Variants in INTS4 observed in about 807,000 individuals in gnomAD.
INTS4 encodes the protein MSTP093.
INTS4 carries 70 observed loss-of-function variants against 119.5 expected under a neutral mutation model. That is an observed-to-expected ratio of 0.59 (90% CI 0.48 to 0.71). The LOEUF is 0.71. Among genes scored for constraint, INTS4 ranks in the 30% least tolerant of loss-of-function variants. The pLI is 0.00. For missense variants in INTS4, 867 were observed against 1,173.2 expected, an observed-to-expected ratio of 0.74 and a Z score of 3.81; for synonymous variants, 316 against 419.6, an observed-to-expected ratio of 0.75 and a Z score of 3.02.
chr11:77,968,648 T>G (rs995741806), intron 4 of INTS4, among the ~76,000 whole-genome samples: 3 of 152,228 alleles, frequency 2.0e-5, no homozygotes, highest in African/African-American at 7.2e-5. Flanking sequence ...CATGGTAAAT[T>G]TTATGTTAAT....
intron 18 of INTS4, among the ~76,000 whole-genome samples, chr11:77,897,521 G>C (rs1354336127): frequency 1.3e-5 from 2 of 149,424 alleles, no homozygotes; most frequent in East Asian, 3.9e-4. Flanking sequence ...TTTTTTTTGA[G>C]ACAGAGTCTC....
intron 5 of INTS4, among the ~76,000 whole-genome samples, chr11:77,960,721 G>T (rs1190284810): frequency 6.6e-6 from 1 of 152,030 alleles, no homozygotes; most frequent in African/African-American, 2.4e-5. Flanking sequence ...ATTATAACAG[G>T]TTCCTATTGT....
chr11:77,924,506 G>A (rs557954508), intron 12 of INTS4: 16 of 449,060 alleles, frequency 3.6e-5, no homozygotes, highest in Middle Eastern at 6.2e-4. Context: ...TGCATAGTCA[G>A]CACACAGCAG....
rs1368533796 is a variant in INTS4 at position 77,920,721 on chromosome 11, A to G, written c.1764+619T>C. The stretch of plus-strand genomic sequence containing the variant: ...CAAAAAATTAGCCGGGCGTGGTGGC[A>G]GGCGCCTGTAGTCCCAGCTACTCGG... On this transcript the variant is annotated intron_variant, in intron 14 of 22. Transcript: ENST00000534064. Among the ~76,000 whole-genome samples the G allele has an allele frequency of 1.9e-4, 29 of 151,808 alleles. 1 individual carries two copies. The East Asian group carries it at 3.1e-3, about 16-fold the overall frequency.
At chr11:77,948,176 GA>G (rs144433849) in intron 8 of INTS4, among the ~76,000 whole-genome samples, 28,369 of 152,066 alleles carry the variant, frequency 0.19, 2,736 homozygotes, top group Middle Eastern at 0.23. Context: ...TAACTATGTA[GA>G]AAAAAGTTAC....
rs749514914 is a variant in INTS4, at chr11:77,994,591, T to C, written c.53A>G (p.Gln18Arg). ...TGGATCTTTCCCGCCAGAGCTTACC[T>C]GAACCACTTTCGTGAATTCCTCATA... is the stretch of plus-strand genomic sequence containing the variant. ...RVYEEFTKVV[Q>R]PQEEIATKKL... The change falls in exon 1 of 23, where the codon CAG becomes CGG. Residue 18 changes from glutamine (Q) to arginine (R), a missense_variant and splice_region_variant. Gln to Arg is a conservative substitution (Grantham distance 43, BLOSUM62 1). This residue lies in a region of INTS4 where 224 missense variants were observed against 231.8 expected (regional missense o/e 0.97). Coordinates refer to ENST00000534064, the MANE Select transcript of INTS4 (RefSeq NM_033547.4). 4 of 1,611,688 alleles carry C rather than the reference T, an allele frequency of 2.5e-6. No individual in the cohort carries two copies. In the African/African-American group the frequency reaches 5.3e-5, roughly 22 times the overall value.
In INTS4 at chr11:77,993,460, G is replaced by T. The variant is rs80038016; in HGVS notation, c.54+1130C>A. On this transcript the variant is annotated intron_variant, in intron 1 of 22. Coordinates refer to ENST00000534064, the MANE Select transcript of INTS4 (RefSeq NM_033547.4). ...AGATATGCAAACACAAGAACACATGGCATATCTGGTCATGTGAGGATGGGT... is the reference window on the plus strand; with the variant it reads ...AGATATGCAAACACAAGAACACATGTCATATCTGGTCATGTGAGGATGGGT... Among the ~76,000 whole-genome samples the T allele has an allele frequency of 2.2e-3, 338 of 152,294 alleles. 8 individuals are homozygous for T. In the East Asian group the frequency reaches 0.053, roughly 24 times the overall value.
chr11:77,942,837 A>T (rs1953961206), intron 8 of INTS4, among the ~76,000 whole-genome samples: 1 of 152,164 alleles, frequency 6.6e-6, no homozygotes, highest in South Asian at 2.1e-4. Flanking sequence ...CTCTAATCAA[A>T]TTTTTCATAG....
intron 9 of INTS4, among the ~76,000 whole-genome samples, chr11:77,940,156 CA>C (rs1953895379): frequency 6.6e-6 from 1 of 152,088 alleles, no homozygotes; most frequent in Non-Finnish European, 1.5e-5. Flanking sequence ...GGGCCGGGCA[CA>C]ATGGCTCACA....
rs1276828513 is a variant in INTS4, at chr11:77,961,105, T to C, written c.505A>G (p.Lys169Glu). The C allele has an allele frequency of 6.2e-6, 10 of 1,604,690 alleles. No homozygotes were observed. The South Asian group carries it at 1.1e-4, about 18-fold the overall frequency. ...LTDTSHGVRN[K>E]CLQLLGNLGS... ...AGATTGCCAAGTAACTGCAGGCACT[T>C]ATTTCTTACACCATGAGACGTATCT... Residue 169 changes from lysine (K) to glutamate (E), a missense_variant, in exon 5 of 23, where the codon AAG (lysine) becomes GAG (glutamate). Physicochemically the swap from Lys to Glu is moderately conservative, Grantham distance 56 (BLOSUM62 1). Transcript: ENST00000534064.
chr11:77,878,133 T>A (rs909491999), downstream of INTS4, among the ~76,000 whole-genome samples: 1 of 152,040 alleles, frequency 6.6e-6, no homozygotes, highest in East Asian at 1.9e-4. Flanking sequence ...GAGGCCAAGG[T>A]GGGCAGATCA....
chr11:77,901,365 T>C, intron 18 of INTS4, 56 bp downstream of exon 18: 1 of 1,582,724 alleles, frequency 6.3e-7, no homozygotes, highest in Non-Finnish European at 8.7e-7. Context: ...TCTGAATGCA[T>C]TTGAAGTATC....
At chr11:77,957,928 G>T (rs912553678) in intron 7 of INTS4, among the ~76,000 whole-genome samples, 1 of 151,814 alleles carries the variant, frequency 6.6e-6, no homozygotes, top group Non-Finnish European at 1.5e-5. Context: ...CTCGGCCTCC[G>T]AAAGTGCTGG....
chr11:77,983,744 A>T (rs980201566), intron 2 of INTS4, among the ~76,000 whole-genome samples: 1 of 152,228 alleles, frequency 6.6e-6, no homozygotes, highest in South Asian at 2.1e-4. Context: ...GTAAAACAGC[A>T]AAGCCACTGT....
intron 8 of INTS4, among the ~76,000 whole-genome samples, chr11:77,950,363 T>C (rs1428466911): frequency 6.7e-6 from 1 of 148,526 alleles, no homozygotes; most frequent in South Asian, 2.1e-4. Context: ...CTTAAAGTAT[T>C]AAAAAAAAAA....
In INTS4 at chr11:77,887,054, C is replaced by T. The variant is rs551281423; in HGVS notation, c.2593-3102G>A. Among the ~76,000 whole-genome samples the T allele has an allele frequency of 2.4e-3, 367 of 151,896 alleles. 2 individuals carry two copies. Among genetic ancestry groups the T allele is most frequent in the African/African-American group, 8.7e-3 (362 of 41,440 alleles). On this transcript the variant is annotated intron_variant, in intron 21 of 22. Coordinates refer to ENST00000534064, the MANE Select transcript of INTS4 (RefSeq NM_033547.4). The stretch of plus-strand genomic sequence containing the variant: ...ATTAAAAGAACTAGAAAAGCAAGAG[C>T]AAACACATTCAAAAGCTAGCAGAAG...
chr11:77,980,695 T>A (rs1565289259), intron 3 of INTS4, among the ~76,000 whole-genome samples: 1 of 152,104 alleles, frequency 6.6e-6, no homozygotes, highest in African/African-American at 2.4e-5. Flanking sequence ...TTAGTGCTTT[T>A]AAAAATGTGT....
intron 8 of INTS4, among the ~76,000 whole-genome samples, chr11:77,954,682 C>G (rs12575197): frequency 6.6e-6 from 1 of 152,064 alleles, no homozygotes; most frequent in South Asian, 2.1e-4. Flanking sequence ...ACCTAGATCC[C>G]GCACATGCTC....
chr11:77,977,379 G>A (rs1166418477), intron 4 of INTS4, among the ~76,000 whole-genome samples: 2 of 151,726 alleles, frequency 1.3e-5, no homozygotes, highest in Non-Finnish European at 2.9e-5. Flanking sequence ...AAATACTTAT[G>A]TTAGCAAAAA....
Sources: allele counts gnomAD v4.1 joint callset (sites outside exome capture counted in the v4.1 genomes callset), GRCh38; gene constraint gnomAD v4.1.1; regional missense constraint gnomAD v4.1.1; transcripts MANE v1.5; gene names NCBI Gene and HGNC (gene_info 2026-07-23, HGNC 2026-07-21).